The following CDH13 variants were observed in gnomAD, a reference collection of about 807,000 sequenced individuals.
CDH13 encodes the protein cadherin 13.
In CDH13, 24 loss-of-function variants were observed where a neutral mutation model predicts 63.8. That is an observed-to-expected ratio of 0.38 (90% CI 0.27 to 0.53). CDH13 has a LOEUF of 0.53. Among genes scored for constraint, CDH13 ranks in the 20% least tolerant of loss-of-function variants. The pLI is 0.85. For synonymous variants in CDH13, 503 were observed against 355.3 expected (o/e 1.42, Z -4.67); for missense variants, 1,049 against 903.1 (o/e 1.16, Z -2.07).
intron 2 of CDH13, among the ~76,000 whole-genome samples, chr16:82,887,595 C>G (rs1414498375): frequency 6.6e-6 from 1 of 152,094 alleles, no homozygotes; most frequent in African/African-American, 2.4e-5. Context: ...CCAAGGTGGG[C>G]AGATCACGTG....
intron 2 of CDH13, among the ~76,000 whole-genome samples, chr16:82,932,766 A>T (rs2042539617): frequency 6.6e-6 from 1 of 152,202 alleles, no homozygotes; most frequent in Non-Finnish European, 1.5e-5. Context: ...ACAAATTCAG[A>T]AGTGAAAAAT....
At chr16:82,703,862 C>T (rs1339687220) in intron 1 of CDH13, among the ~76,000 whole-genome samples, 1 of 152,176 alleles carries the variant, frequency 6.6e-6, no homozygotes, top group Non-Finnish European at 1.5e-5. Flanking sequence ...CCGTCAGTGA[C>T]ACCTGCACTC....
At chr16:83,278,602 C>G (rs2151853740) in intron 5 of CDH13, among the ~76,000 whole-genome samples, 1 of 152,314 alleles carries the variant, frequency 6.6e-6, no homozygotes, top group East Asian at 1.9e-4. Flanking sequence ...GCAAGAAAAA[C>G]TGTCTAAATC....
At chr16:82,654,712 G>C (rs1911103534) in intron 1 of CDH13, among the ~76,000 whole-genome samples, 1 of 150,092 alleles carries the variant, frequency 6.7e-6, no homozygotes, top group Non-Finnish European at 1.5e-5. Flanking sequence ...TACCATCAAA[G>C]GAACCATGGA....
intron 2 of CDH13, chr16:82,859,072 T>G (rs1158625498): frequency 6.6e-6 from 1 of 152,488 alleles, no homozygotes; most frequent in Non-Finnish European, 1.5e-5. Context: ...TGATCTCTTT[T>G]TGTTTTTAAT....
At chr16:83,535,288 C>G (rs1041920347) in intron 7 of CDH13, among the ~76,000 whole-genome samples, 2 of 152,188 alleles carry the variant, frequency 1.3e-5, no homozygotes, top group East Asian at 1.9e-4. Context: ...AAATTAAGGA[C>G]TTGGGTCAGC....
chr16:83,558,916 T>A (rs1046175518), intron 7 of CDH13, among the ~76,000 whole-genome samples: 2 of 151,916 alleles, frequency 1.3e-5, no homozygotes, highest in African/African-American at 4.8e-5. Context: ...GGGTCCTCTG[T>A]ATCTGTGGCA....
At chr16:83,318,909 C>T (rs764389915) in intron 5 of CDH13, among the ~76,000 whole-genome samples, 1 of 151,724 alleles carries the variant, frequency 6.6e-6, no homozygotes, top group Non-Finnish European at 1.5e-5. Context: ...AGACCTTGTC[C>T]CTACCTCTGG....
At chr16:82,879,971 T>G (rs1016284254) in intron 2 of CDH13, among the ~76,000 whole-genome samples, 6 of 146,482 alleles carry the variant, frequency 4.1e-5, no homozygotes, top group African/African-American at 1.5e-4. Context: ...TCATTATATA[T>G]AGATCCATAC....
chr16:83,689,497 C>G (rs1326579965), intron 10 of CDH13, among the ~76,000 whole-genome samples: 1 of 152,126 alleles, frequency 6.6e-6, no homozygotes, highest in Non-Finnish European at 1.5e-5. Context: ...AACCCTAACA[C>G]GGGTAATGAA....
chr16:83,295,251 T>G (rs988219007), intron 5 of CDH13, among the ~76,000 whole-genome samples: 2 of 152,158 alleles, frequency 1.3e-5, no homozygotes, highest in African/African-American at 4.8e-5. Flanking sequence ...AAGATTTAAA[T>G]GTAAGACTTG....
intron 2 of CDH13, among the ~76,000 whole-genome samples, chr16:82,880,468 A>AT (rs1370944327): frequency 6.6e-6 from 1 of 152,134 alleles, no homozygotes; most frequent in Non-Finnish European, 1.5e-5. Context: ...GGTGATTTGA[A>AT]TGGGGGCATT....
chr16:83,469,892 G>A (rs991138024), intron 6 of CDH13, among the ~76,000 whole-genome samples: 2 of 152,230 alleles, frequency 1.3e-5, no homozygotes, highest in Non-Finnish European at 2.9e-5. Context: ...ATTACACACT[G>A]AGGAGGCTGC....
intron 2 of CDH13, among the ~76,000 whole-genome samples, chr16:82,959,817 C>T (rs1906696767): frequency 1.3e-5 from 2 of 152,196 alleles, no homozygotes; most frequent in Non-Finnish European, 1.5e-5. Flanking sequence ...TGCTGAAAGA[C>T]ATCTGGTTTG....
chr16:82,647,544 C>T (rs1369384832), intron 1 of CDH13, among the ~76,000 whole-genome samples: 2 of 152,144 alleles, frequency 1.3e-5, no homozygotes, highest in African/African-American at 4.8e-5. Context: ...CCCTGGGAAC[C>T]TTTGAGAATC....
At chr16:82,787,780 C>T (rs1481748918) in intron 1 of CDH13, among the ~76,000 whole-genome samples, 1 of 134,276 alleles carries the variant, frequency 7.4e-6, no homozygotes, top group Non-Finnish European at 1.6e-5. Context: ...TGTTTTTTCT[C>T]TAGAAAAGTT....
intron 5 of CDH13, among the ~76,000 whole-genome samples, chr16:83,309,397 A>G (rs1319793935): frequency 1.3e-5 from 2 of 150,672 alleles, no homozygotes; most frequent in African/African-American, 2.4e-5. Flanking sequence ...TTTTTTTGAG[A>G]CAGAATCTTA....
chr16:83,108,221 G>C (rs1043456985), intron 3 of CDH13, among the ~76,000 whole-genome samples: 1 of 152,080 alleles, frequency 6.6e-6, no homozygotes, highest in African/African-American at 2.4e-5. Flanking sequence ...ACTATACACC[G>C]TGCTTGTGGC....
intron 1 of CDH13, among the ~76,000 whole-genome samples, chr16:82,842,141 CATATATAT>C (rs1170008694): frequency 8.0e-5 from 5 of 62,344 alleles, no homozygotes; most frequent in African/African-American, 2.5e-4. Context: ...TATATATACA[CATATATAT>C]ATATATATAT....
Sources: allele counts gnomAD v4.1 joint callset (sites outside exome capture counted in the v4.1 genomes callset), GRCh38; gene constraint gnomAD v4.1.1; transcripts MANE v1.5; gene names NCBI Gene and HGNC (gene_info 2026-07-23, HGNC 2026-07-21).